The following RBFOX1 variants were observed in gnomAD, a reference collection of about 807,000 sequenced individuals.
RBFOX1 encodes the protein RNA binding protein fox-1 homolog 1.
In RBFOX1, 8 loss-of-function variants were observed where a neutral mutation model predicts 57.7. The observed-to-expected ratio is 0.14, with a 90% CI of 0.08 to 0.25. The LOEUF is 0.25. RBFOX1 is among the 10% of genes least tolerant of loss of function. RBFOX1 has a pLI of 1.00. For missense variants in RBFOX1, 611 were observed against 548.5 expected, an observed-to-expected ratio of 1.11 and a Z score of -1.14; for synonymous variants, 326 against 222.4, an observed-to-expected ratio of 1.47 and a Z score of -4.15.
intron 3 of RBFOX1, among the ~76,000 whole-genome samples, chr16:6,936,379 C>T (rs1334953042): frequency 6.6e-6 from 1 of 152,014 alleles, no homozygotes; most frequent in Non-Finnish European, 1.5e-5. Flanking sequence ...CAAACAGAAA[C>T]AAATAAAAAC....
chr16:7,593,786 A>G (rs1171006657), intron 7 of RBFOX1, among the ~76,000 whole-genome samples: 1 of 151,720 alleles, frequency 6.6e-6, no homozygotes, highest in Non-Finnish European at 1.5e-5. Flanking sequence ...AAATGCAAGG[A>G]TTTGGGTATC....
At chr16:6,640,557 G>C (rs2098478915) in intron 2 of RBFOX1, among the ~76,000 whole-genome samples, 5 of 152,098 alleles carry the variant, frequency 3.3e-5, no homozygotes, top group Admixed American at 3.3e-4. Flanking sequence ...GCAGTGAGCT[G>C]TGATCATGCC....
chr16:6,986,180 C>CTGTTTT (rs1568232769), intron 3 of RBFOX1, among the ~76,000 whole-genome samples: 6 of 72,598 alleles, frequency 8.3e-5, no homozygotes, highest in African/African-American at 4.3e-4. Context: ...TCACCAATTT[C>CTGTTTT]TATTTTTATT....
At chr16:7,034,284 TG>T (rs1166242721) in intron 3 of RBFOX1, among the ~76,000 whole-genome samples, 6 of 152,190 alleles carry the variant, frequency 3.9e-5, no homozygotes, top group African/African-American at 1.4e-4. Flanking sequence ...CAGTATCTAC[TG>T]GGTAAGGTCC....
At chr16:6,339,969 G>C (rs924047755) in intron 2 of RBFOX1, among the ~76,000 whole-genome samples, 1 of 152,102 alleles carries the variant, frequency 6.6e-6, no homozygotes, top group Non-Finnish European at 1.5e-5. Flanking sequence ...GAGCCACCGT[G>C]CCCAGCCCAT....
intron 3 of RBFOX1, among the ~76,000 whole-genome samples, chr16:5,617,400 C>T (rs1440468769): frequency 6.6e-6 from 1 of 152,260 alleles, no homozygotes; most frequent in African/African-American, 2.4e-5. Context: ...CCCGGGTGCT[C>T]AGCAGTCAAA....
intron 4 of RBFOX1, among the ~76,000 whole-genome samples, chr16:7,416,406 G>A (rs2098478318): frequency 6.6e-6 from 1 of 152,152 alleles, no homozygotes; most frequent in East Asian, 1.9e-4. Flanking sequence ...CATGCTTACT[G>A]ATATGATTGA....
At chr16:7,689,833 G>A (rs1337116879) in intron 14 of RBFOX1, among the ~76,000 whole-genome samples, 1 of 152,066 alleles carries the variant, frequency 6.6e-6, no homozygotes, top group Admixed American at 6.6e-5. Context: ...CCACTGTAGA[G>A]CAGTTTCTCT....
intron 4 of RBFOX1, among the ~76,000 whole-genome samples, chr16:7,239,887 A>G (rs933726692): frequency 7.5e-6 from 1 of 133,704 alleles, no homozygotes; most frequent in African/African-American, 2.6e-5. Context: ...TCGTTGTGCT[A>G]AAAGGAACAT....
intron 4 of RBFOX1, among the ~76,000 whole-genome samples, chr16:5,925,347 C>G (rs944949274): frequency 1.3e-5 from 2 of 152,172 alleles, no homozygotes; most frequent in East Asian, 1.9e-4. Flanking sequence ...AGTTCTCACC[C>G]AAGCTACAGT....
intron 1 of RBFOX1, among the ~76,000 whole-genome samples, chr16:6,201,519 G>A (rs2097215101): frequency 6.6e-6 from 1 of 152,146 alleles, no homozygotes; most frequent in Admixed American, 6.5e-5. Flanking sequence ...GGCTGAGAAG[G>A]GTAGCCCGGA....
rs540774772 is a variant in RBFOX1, at chr16:6,708,292, A to G, written c.-16+53642A>G. Among the ~76,000 whole-genome samples, 867 of 142,632 alleles carry G rather than the reference A, an allele frequency of 6.1e-3. 11 individuals carry two copies. The highest frequency in any genetic ancestry group is 0.02 in the African/African-American group (797 of 40,770). 93.6% of individuals were successfully genotyped at this position (142,632 alleles called of 152,430 possible). A position where few individuals can be genotyped will look rare whatever the true frequency, so the allele number is the denominator to read the frequency against. On this transcript the variant is annotated intron_variant, in intron 3 of 15. Transcript: ENST00000550418. Reference sequence around the variant, plus strand: ...ATAGTCCCAAAGCATTTTTGAACACACACACACACACACTCACACTCATTC... The same window carrying G: ...ATAGTCCCAAAGCATTTTTGAACACGCACACACACACACTCACACTCATTC...
chr16:6,944,425 GAAA>G (rs2079108636), intron 3 of RBFOX1, among the ~76,000 whole-genome samples: 1 of 148,166 alleles, frequency 6.7e-6, no homozygotes, highest in Non-Finnish European at 1.5e-5. Context: ...AGAAAGAAAA[GAAA>G]AAAGAAGACC....
At chr16:6,980,566 G>A (rs927128477) in intron 3 of RBFOX1, among the ~76,000 whole-genome samples, 9 of 152,270 alleles carry the variant, frequency 5.9e-5, no homozygotes, top group Admixed American at 1.3e-4. Flanking sequence ...AATCAAAAGC[G>A]AGTATTGAAA....
chr16:6,950,459 A>C (rs1009748092), intron 3 of RBFOX1, among the ~76,000 whole-genome samples: 3 of 152,202 alleles, frequency 2.0e-5, no homozygotes, highest in African/African-American at 7.2e-5. Flanking sequence ...AGTGCCTGGC[A>C]CAGAGTAGAT....
intron 4 of RBFOX1, among the ~76,000 whole-genome samples, chr16:7,444,176 T>C (rs1337968188): frequency 6.6e-6 from 1 of 152,258 alleles, no homozygotes; most frequent in Non-Finnish European, 1.5e-5. Context: ...ATTATAGTTA[T>C]GCAGGTCTTC....
At chr16:7,513,232 C>T (rs978479568) in intron 4 of RBFOX1, among the ~76,000 whole-genome samples, 1 of 151,630 alleles carries the variant, frequency 6.6e-6, no homozygotes, top group Non-Finnish European at 1.5e-5. Flanking sequence ...CATTGCACTC[C>T]AGCTTGGGTA....
At chr16:6,944,104 G>T (rs1163261683) in intron 3 of RBFOX1, among the ~76,000 whole-genome samples, 1 of 152,010 alleles carries the variant, frequency 6.6e-6, no homozygotes, top group Non-Finnish European at 1.5e-5. Context: ...CTCTACTTAA[G>T]ACCACACCCT....
chr16:7,268,196 T>C (rs2095222577), intron 4 of RBFOX1, among the ~76,000 whole-genome samples: 1 of 152,230 alleles, frequency 6.6e-6, no homozygotes, highest in Non-Finnish European at 1.5e-5. Flanking sequence ...TAACGTCTTA[T>C]GGGACTGCTG....
Sources: allele counts gnomAD v4.1 joint callset (sites outside exome capture counted in the v4.1 genomes callset), GRCh38; gene constraint gnomAD v4.1.1; transcripts MANE v1.5; gene names NCBI Gene and HGNC (gene_info 2026-07-23, HGNC 2026-07-21).